The following RASGRF2 variants were observed in gnomAD, a reference collection of about 807,000 sequenced individuals.
RASGRF2 encodes ras-specific guanine nucleotide-releasing factor 2.
A neutral mutation model predicts 151.0 loss-of-function variants in RASGRF2; 76 were observed. That is an observed-to-expected ratio of 0.50 (90% CI 0.42 to 0.61). The LOEUF (loss-of-function observed/expected upper bound fraction) is 0.61, where lower values mean the gene tolerates loss of function less well. Ranked by LOEUF, RASGRF2 falls within the 20% of genes least tolerant of loss-of-function variation. The pLI, the probability that RASGRF2 is intolerant of heterozygous loss-of-function variation, is 0.00. For missense variants in RASGRF2, 1,148 were observed against 1,564.6 expected (o/e 0.73, Z 4.49); for synonymous variants, 504 against 566.5 (o/e 0.89, Z 1.57).
chr5:81,198,138 A>G (rs1172927604), intron 18 of RASGRF2, among the ~76,000 whole-genome samples: 1 of 150,282 alleles, frequency 6.7e-6, no homozygotes, highest in South Asian at 2.1e-4. Flanking sequence ...TTTTAATTGC[A>G]TTTTTATTTT....
chr5:81,090,486 G>A lies in RASGRF2; in HGVS notation c.1391-2315G>A, dbSNP rs1422485387. Among the ~76,000 whole-genome samples, 3 of 152,162 alleles carry A rather than the reference G, an allele frequency of 2.0e-5. No homozygotes were observed. In the East Asian group the frequency reaches 5.8e-4, roughly 29 times the overall value. ...TCTCATAGCTGTATTGAAACATCAT[G>A]TCAAATGCAAGAGAAAATGTGAAAA... On this transcript the variant is annotated intron_variant, in intron 9 of 26. Coordinates refer to ENST00000265080, the MANE Select transcript of RASGRF2 (RefSeq NM_006909.3).
chr5:81,142,244 C>A (rs1753901209), intron 17 of RASGRF2, among the ~76,000 whole-genome samples: 1 of 151,944 alleles, frequency 6.6e-6, no homozygotes, highest in African/African-American at 2.4e-5. Context: ...TATTCCTGTC[C>A]CGGTGGGGAT....
intron 17 of RASGRF2, among the ~76,000 whole-genome samples, chr5:81,146,666 G>A (rs527802479): frequency 7.9e-5 from 12 of 152,168 alleles, no homozygotes; most frequent in South Asian, 2.1e-4. Flanking sequence ...AAAATTTGTC[G>A]GGGTGCGGCA....
At chr5:80,972,425 T>G (rs1405400571) in intron 1 of RASGRF2, among the ~76,000 whole-genome samples, 1 of 152,232 alleles carries the variant, frequency 6.6e-6, no homozygotes. Flanking sequence ...TTTTCATTTC[T>G]CTGATAAAAA....
chr5:81,099,516 G>T, intron 12 of RASGRF2, among the ~76,000 whole-genome samples: 1 of 152,142 alleles, frequency 6.6e-6, no homozygotes. Context: ...GGTGTAAAAA[G>T]CCTGATCACT....
rs577433800 is a variant in RASGRF2, at chr5:81,055,478, C to T, written c.395+12495C>T. ...CAGCCTTGCATCCCAGGGATGAAGC[C>T]CACTTGATCATGGTGGATAAGCTTT... On this transcript the variant is annotated intron_variant, in intron 2 of 26. Coordinates refer to ENST00000265080, the MANE Select transcript of RASGRF2 (RefSeq NM_006909.3). 3.9e-3 allele frequency among the ~76,000 whole-genome samples: 587 copies of T among 152,168 alleles called. 5 individuals are homozygous for T. Among genetic ancestry groups the T allele is most frequent in the African/African-American group, 0.014 (571 of 41,478 alleles).
At chr5:81,182,315 T>G (rs774547898) in intron 18 of RASGRF2, among the ~76,000 whole-genome samples, 1 of 152,208 alleles carries the variant, frequency 6.6e-6, no homozygotes, top group Non-Finnish European at 1.5e-5. Flanking sequence ...CATAAGGTCT[T>G]TCCTTACCTC....
chr5:81,214,604 G>A (rs1292078844), intron 23 of RASGRF2, among the ~76,000 whole-genome samples: 1 of 152,208 alleles, frequency 6.6e-6, no homozygotes, highest in Non-Finnish European at 1.5e-5. Context: ...AGAGCCCTCA[G>A]ACACCAGAAC....
chr5:80,978,946 A>C (rs1481191762), intron 1 of RASGRF2, among the ~76,000 whole-genome samples: 1 of 152,198 alleles, frequency 6.6e-6, no homozygotes, highest in Non-Finnish European at 1.5e-5. Flanking sequence ...GCATTCTATC[A>C]CACAGATGTA....
rs1752045755 is a variant in RASGRF2 at position 81,080,132 on chromosome 5, T to C, written c.899T>C (p.Met300Thr). ...TCCTTTTTTTATAGTGAAACAATCA[T>C]GTTTCTTCATGAAATATTTCATCAA... is the stretch of plus-strand genomic sequence containing the variant. ...SSIFLNSETI[M>T]FLHEIFHQGL... is the part of the protein sequence containing the mutation. Residue 300 changes from methionine to threonine, a missense_variant, in exon 6 of 27, where the codon ATG becomes ACG. By Grantham distance (81) the Met-to-Thr change is moderately conservative. Transcript: ENST00000265080. 1 of 1,595,840 alleles carries C rather than the reference T, an allele frequency of 6.3e-7. No individual in the cohort carries two copies. Among genetic ancestry groups the C allele is most frequent in the Admixed American group, 1.9e-5 (1 of 53,564 alleles).
chr5:80,976,212 A>G (rs1373451215), intron 1 of RASGRF2, among the ~76,000 whole-genome samples: 3 of 152,186 alleles, frequency 2.0e-5, no homozygotes, highest in African/African-American at 4.8e-5. Context: ...GTTTTGTGTT[A>G]TACGACTGTA....
intron 1 of RASGRF2, among the ~76,000 whole-genome samples, chr5:80,982,463 T>G (rs1173124688): frequency 1.3e-5 from 2 of 151,932 alleles, no homozygotes; most frequent in Admixed American, 1.3e-4. Context: ...AGAACTAGGC[T>G]CATTTTGGCT....
intron 7 of RASGRF2, 130 bp from the exon 8 acceptor site, chr5:81,085,671 TA>T: frequency 3.6e-6 from 5 of 1,381,836 alleles, no homozygotes; most frequent in Admixed American, 2.8e-5. Context: ...ATTTCTTTTT[TA>T]AAAAATGTGT....
At chr5:81,122,958 T>C (rs956733456) in intron 15 of RASGRF2, among the ~76,000 whole-genome samples, 7 of 152,196 alleles carry the variant, frequency 4.6e-5, no homozygotes, top group African/African-American at 1.7e-4. Flanking sequence ...TGCTGATCTG[T>C]AGCTCTAGCT....
intron 13 of RASGRF2, among the ~76,000 whole-genome samples, chr5:81,110,131 C>T (rs1329341843): frequency 1.3e-5 from 2 of 152,062 alleles, no homozygotes; most frequent in East Asian, 3.9e-4. Context: ...AAGAAAAATC[C>T]CAATGTTTCT....
At chr5:81,075,228 G>C (rs1702211768) in intron 5 of RASGRF2, among the ~76,000 whole-genome samples, 1 of 152,198 alleles carries the variant, frequency 6.6e-6, no homozygotes, top group African/African-American at 2.4e-5. Flanking sequence ...AGGTGTCACG[G>C]ATGCAACTAG....
At chr5:81,041,438 C>T (rs1003548977) in intron 1 of RASGRF2, among the ~76,000 whole-genome samples, 2 of 152,166 alleles carry the variant, frequency 1.3e-5, no homozygotes, top group African/African-American at 4.8e-5. Context: ...TCAAAGCACA[C>T]TCTAAACTCA....
chr5:81,145,013 C>A (rs1025239775), intron 17 of RASGRF2, among the ~76,000 whole-genome samples: 4 of 151,986 alleles, frequency 2.6e-5, no homozygotes, highest in African/African-American at 9.7e-5. Flanking sequence ...GCTGAGGCAG[C>A]GGGAGGATCA....
At chr5:81,051,727 A>G (rs1249017876) in intron 2 of RASGRF2, among the ~76,000 whole-genome samples, 1 of 152,064 alleles carries the variant, frequency 6.6e-6, no homozygotes, top group African/African-American at 2.4e-5. Flanking sequence ...TACTCAGTTG[A>G]TGGCCATTTA....
Sources: gnomAD v4.1 joint callset for allele counts (sites outside exome capture counted in the v4.1 genomes callset) on GRCh38, gnomAD v4.1.1 for gene constraint, MANE v1.5 for transcripts, NCBI Gene and HGNC (gene_info 2026-07-23, HGNC 2026-07-21) for gene names.